Variants in DPP10 observed in about 807,000 individuals in gnomAD.
DPP10 encodes dipeptidyl peptidase like 10.
In DPP10, 33 loss-of-function variants were observed where a neutral mutation model predicts 120.9. The observed-to-expected ratio is 0.27, with a 90% CI of 0.21 to 0.37. The LOEUF is 0.37. Ranked by LOEUF, DPP10 falls within the 10% of genes least tolerant of loss-of-function variation. DPP10 has a pLI of 1.00. For synonymous variants in DPP10, 337 were observed against 326.1 expected (o/e 1.03, Z -0.36); for missense variants, 816 against 942.8 (o/e 0.87, Z 1.76).
At chr2:115,647,534 C>A (rs1302201968) in intron 5 of DPP10, among the ~76,000 whole-genome samples, 1 of 151,794 alleles carries the variant, frequency 6.6e-6, no homozygotes, top group African/African-American at 2.4e-5. Context: ...AGAAATAGTA[C>A]ATGGTAAAAA....
intron 19 of DPP10, among the ~76,000 whole-genome samples, chr2:115,797,811 A>G (rs1030559548): frequency 6.6e-6 from 1 of 152,020 alleles, no homozygotes; most frequent in Non-Finnish European, 1.5e-5. Context: ...AAAGTTGTAC[A>G]AACTCAAACT....
chr2:115,063,536 C>A (rs773970872), intron 1 of DPP10, among the ~76,000 whole-genome samples: 2 of 152,088 alleles, frequency 1.3e-5, no homozygotes, highest in African/African-American at 2.4e-5. Flanking sequence ...GCTACAGTAA[C>A]CAAAACAGCT....
intron 1 of DPP10, among the ~76,000 whole-genome samples, chr2:114,468,646 A>C (rs1184485437): frequency 1.3e-5 from 2 of 152,030 alleles, no homozygotes; most frequent in Non-Finnish European, 2.9e-5. Flanking sequence ...AGAAAATAGA[A>C]CTCTTGTAAT....
intron 1 of DPP10, among the ~76,000 whole-genome samples, chr2:115,154,293 G>A (rs1000929795): frequency 6.6e-6 from 1 of 152,112 alleles, no homozygotes; most frequent in African/African-American, 2.4e-5. Context: ...ATTCTCCTGT[G>A]AGCTCTCCAC....
chr2:115,038,415 C>T (rs1417287005), intron 1 of DPP10, among the ~76,000 whole-genome samples: 1 of 151,872 alleles, frequency 6.6e-6, no homozygotes, highest in Non-Finnish European at 1.5e-5. Flanking sequence ...GGACTACAGG[C>T]GCCCGCCACC....
At chr2:115,011,419 T>G (rs1185326439) in intron 1 of DPP10, among the ~76,000 whole-genome samples, 1 of 152,196 alleles carries the variant, frequency 6.6e-6, no homozygotes, top group Non-Finnish European at 1.5e-5. Context: ...CTCATTGCAA[T>G]TCTATCATTT....
Position 115,493,629 on chromosome 2 carries a change from GGTTCAAAGTCAAGAGAAGAGGATT to G in DPP10, c.272-5879_272-5856del, listed in dbSNP as rs532727247. On this transcript the variant is annotated intron_variant, in intron 3 of 25. Coordinates refer to ENST00000410059, the MANE Select transcript of DPP10 (RefSeq NM_020868.6). The stretch of plus-strand genomic sequence containing the variant: ...AGAACAAATACCAGGGCAAGATAGT[GGTTCAAAGTCAAGAGAAGAGGATT>G]GCAAAACCCTACTGTTCATCATCAT... Among the ~76,000 whole-genome samples the G allele has an allele frequency of 2.5e-3, 387 of 152,164 alleles. 2 individuals are homozygous for G. Among genetic ancestry groups the G allele is most frequent in the Non-Finnish European group, 4.6e-3 (312 of 68,002 alleles).
chr2:114,861,759 A>G (rs1437001092), intron 1 of DPP10, among the ~76,000 whole-genome samples: 1 of 151,090 alleles, frequency 6.6e-6, no homozygotes, highest in East Asian at 1.9e-4. Flanking sequence ...TCTGGTTTGT[A>G]TATCTTTTAT....
intron 1 of DPP10, among the ~76,000 whole-genome samples, chr2:114,594,877 G>A (rs1338807197): frequency 6.6e-6 from 1 of 151,746 alleles, no homozygotes; most frequent in African/African-American, 2.4e-5. Context: ...TGTCTCTGTG[G>A]TGCTTCTCGG....
intron 1 of DPP10, among the ~76,000 whole-genome samples, chr2:114,897,700 C>A (rs1693147244): frequency 6.6e-6 from 1 of 152,106 alleles, no homozygotes; most frequent in African/African-American, 2.4e-5. Context: ...CATGAACAGA[C>A]ACTTCTCAAA....
intron 17 of DPP10, among the ~76,000 whole-genome samples, chr2:115,788,088 A>G (rs564742837): frequency 1.3e-5 from 2 of 152,130 alleles, no homozygotes; most frequent in Non-Finnish European, 2.9e-5. Flanking sequence ...TAAATAACAA[A>G]TTGATCAATA....
intron 3 of DPP10, among the ~76,000 whole-genome samples, chr2:115,496,213 G>C (rs1558756556): frequency 6.6e-6 from 1 of 151,568 alleles, no homozygotes; most frequent in Non-Finnish European, 1.5e-5. Flanking sequence ...AATTAATAAG[G>C]GCAGATATTA....
At chr2:114,950,452 G>T (rs1348477799) in intron 1 of DPP10, among the ~76,000 whole-genome samples, 3 of 147,560 alleles carry the variant, frequency 2.0e-5, no homozygotes, top group African/African-American at 7.4e-5. Flanking sequence ...CCGCCACCAC[G>T]CCCCGGTAAT....
At chr2:115,671,322 A>T (rs1192832083) in intron 5 of DPP10, among the ~76,000 whole-genome samples, 1 of 151,852 alleles carries the variant, frequency 6.6e-6, no homozygotes, top group African/African-American at 2.4e-5. Context: ...ATTATTTAAA[A>T]AATATATTTT....
intron 1 of DPP10, among the ~76,000 whole-genome samples, chr2:114,953,363 A>G (rs1239416617): frequency 6.6e-6 from 1 of 152,152 alleles, no homozygotes; most frequent in Non-Finnish European, 1.5e-5. Flanking sequence ...CAAATGTCCT[A>G]TAAACCAAAG....
intron 1 of DPP10, among the ~76,000 whole-genome samples, chr2:115,070,528 C>T (rs1247176531): frequency 1.3e-5 from 2 of 152,030 alleles, no homozygotes; most frequent in South Asian, 4.1e-4. Context: ...GATGTTTTGT[C>T]CCTGAATTCT....
chr2:114,487,951 C>T (rs1341490649), intron 1 of DPP10, among the ~76,000 whole-genome samples: 2 of 152,104 alleles, frequency 1.3e-5, no homozygotes, highest in African/African-American at 4.8e-5. Context: ...AAACAGAAAA[C>T]GTTTATTGAA....
intron 1 of DPP10, among the ~76,000 whole-genome samples, chr2:114,814,885 A>G (rs1685495078): frequency 6.6e-6 from 1 of 152,174 alleles, no homozygotes; most frequent in Admixed American, 6.5e-5. Flanking sequence ...ATTAAGGTAG[A>G]ACCAACCGTG....
intron 1 of DPP10, among the ~76,000 whole-genome samples, chr2:115,303,180 A>G (rs1052556861): frequency 6.6e-6 from 1 of 151,936 alleles, no homozygotes; most frequent in Non-Finnish European, 1.5e-5. Flanking sequence ...TTTCAGACAT[A>G]CTATTCAGAT....
Sources: gnomAD v4.1 joint callset for allele counts (sites outside exome capture counted in the v4.1 genomes callset) on GRCh38, gnomAD v4.1.1 for gene constraint, MANE v1.5 for transcripts, NCBI Gene and HGNC (gene_info 2026-07-23, HGNC 2026-07-21) for gene names.